The following ZNF385B variants were observed in gnomAD, a reference collection of about 807,000 sequenced individuals.
ZNF385B encodes zinc finger protein 385B, also known as zinc finger protein 533.
Under a neutral mutation model 39.2 loss-of-function variants are expected in ZNF385B, and 23 were observed. That is an observed-to-expected ratio of 0.59 (90% confidence interval 0.42 to 0.83). ZNF385B has a LOEUF of 0.83. Ranked by LOEUF, ZNF385B falls within the 40% of genes least tolerant of loss-of-function variation. ZNF385B has a pLI of 0.00. For missense variants in ZNF385B, 552 were observed against 598.9 expected (o/e 0.92, Z 0.82); for synonymous variants, 205 against 222.6 (o/e 0.92, Z 0.70).
intron 3 of ZNF385B, among the ~76,000 whole-genome samples, chr2:179,702,275 A>G (rs868415928): frequency 8.5e-5 from 13 of 152,334 alleles, no homozygotes; most frequent in African/African-American, 3.1e-4. Context: ...AAAATCTATT[A>G]ATATTACTCT....
At chr2:179,630,262 A>T (rs1691073518) in intron 3 of ZNF385B, among the ~76,000 whole-genome samples, 1 of 152,232 alleles carries the variant, frequency 6.6e-6, no homozygotes, top group South Asian at 2.1e-4. Flanking sequence ...ACCTCCCAGT[A>T]GGGGCTGACA....
At chr2:179,859,505 A>T (rs1051202967) in intron 1 of ZNF385B, among the ~76,000 whole-genome samples, 2 of 152,214 alleles carry the variant, frequency 1.3e-5, no homozygotes, top group African/African-American at 4.8e-5. Flanking sequence ...TCCAACATGG[A>T]CAGTAATTTT....
At chr2:179,497,261 A>G (rs1331535584) in intron 5 of ZNF385B, among the ~76,000 whole-genome samples, 1 of 152,196 alleles carries the variant, frequency 6.6e-6, no homozygotes, top group Non-Finnish European at 1.5e-5. Flanking sequence ...GAATAAGATA[A>G]CACTGTAACT....
chr2:179,613,478 T>C (rs115576330), intron 3 of ZNF385B, among the ~76,000 whole-genome samples: 2 of 152,214 alleles, frequency 1.3e-5, no homozygotes, highest in South Asian at 4.2e-4. Flanking sequence ...AGGTGATGCA[T>C]CCTGACAGGT....
chr2:179,589,259 A>G (rs1343327893), intron 3 of ZNF385B, among the ~76,000 whole-genome samples: 3 of 152,216 alleles, frequency 2.0e-5, no homozygotes, highest in Non-Finnish European at 4.4e-5. Flanking sequence ...GCTCAATGGC[A>G]TACATGAAAT....
intron 4 of ZNF385B, among the ~76,000 whole-genome samples, chr2:179,538,539 TG>T (rs2059726950): frequency 6.6e-6 from 1 of 152,146 alleles, no homozygotes; most frequent in Non-Finnish European, 1.5e-5. Flanking sequence ...TCATCAATAT[TG>T]CCAAACCACA....
intron 3 of ZNF385B, among the ~76,000 whole-genome samples, chr2:179,720,662 C>T (rs1224490702): frequency 6.6e-6 from 1 of 151,944 alleles, no homozygotes; most frequent in Non-Finnish European, 1.5e-5. Context: ...TATTTGGATT[C>T]AATTCAAAAT....
At chr2:179,650,676 C>T (rs1415551039) in intron 3 of ZNF385B, among the ~76,000 whole-genome samples, 1 of 152,162 alleles carries the variant, frequency 6.6e-6, no homozygotes, top group Non-Finnish European at 1.5e-5. Context: ...CACATCTATT[C>T]CATACAGGAT....
intron 3 of ZNF385B, chr2:179,576,092 A>G (rs2106014187): frequency 1.0e-6 from 1 of 975,816 alleles, no homozygotes; most frequent in African/African-American, 1.7e-5. Context: ...TTCTTCCCAC[A>G]GGCACACAGT....
At chr2:179,661,350 T>C (rs1027675496) in intron 3 of ZNF385B, among the ~76,000 whole-genome samples, 1 of 152,334 alleles carries the variant, frequency 6.6e-6, no homozygotes, top group Non-Finnish European at 1.5e-5. Context: ...CAAATATATG[T>C]ATATTCCCTG....
At chr2:179,836,980 G>A (rs1040046523) in intron 1 of ZNF385B, among the ~76,000 whole-genome samples, 3 of 152,110 alleles carry the variant, frequency 2.0e-5, no homozygotes, top group Non-Finnish European at 4.4e-5. Context: ...ATCAGAGGTG[G>A]GAAACTATTC....
In ZNF385B at chr2:179,725,908, G is replaced by GTATATATATATATATA. The variant is rs200614511; in HGVS notation, c.298+43594_298+43595insTATATATATATATATA. Among the ~76,000 whole-genome samples the GTATATATATATATATA allele has an allele frequency of 8.1e-5, 9 of 111,080 alleles. No homozygotes were observed. The South Asian group carries it at 2.3e-3, about 28-fold the overall frequency. 72.9% of individuals were successfully genotyped at this position (111,080 alleles called of 152,430 possible). ...TATATATGAATATATGTGTTTGTGT[G>GTATATATATATATATA]TGTATATATATATATATATATATAT... On this transcript the variant is annotated intron_variant, in intron 3 of 9. Transcript: ENST00000410066.
At chr2:179,526,760 C>A (rs550210705) in intron 4 of ZNF385B, among the ~76,000 whole-genome samples, 198 of 152,326 alleles carry the variant, frequency 1.3e-3, no homozygotes, top group African/African-American at 4.4e-3. Flanking sequence ...AAGGGTCCAC[C>A]TGAATGCTAT....
rs1317562191 is a variant in ZNF385B at position 179,480,570 on chromosome 2, C to A, written c.715+2702G>T. Among the ~76,000 whole-genome samples, 3 of 152,158 alleles carry A rather than the reference C, an allele frequency of 2.0e-5. No individual in the cohort carries two copies. In the East Asian group the frequency reaches 5.8e-4, roughly 29 times the overall value. ...ATTACGTTGTTTGGACCAGATTTCC[C>A]ATCTGGGCAAAGCTTTTAATTTTCC... On this transcript the variant is annotated intron_variant, in intron 6 of 9. Coordinates refer to ENST00000410066, the MANE Select transcript of ZNF385B (RefSeq NM_152520.6).
chr2:179,802,245 C>T (rs1235943913), intron 1 of ZNF385B, among the ~76,000 whole-genome samples: 4 of 152,122 alleles, frequency 2.6e-5, no homozygotes, highest in Non-Finnish European at 4.4e-5. Context: ...TCTTCACACT[C>T]TTCCTTATGC....
chr2:179,685,567 A>G (rs1367278321), intron 3 of ZNF385B, among the ~76,000 whole-genome samples: 5 of 152,230 alleles, frequency 3.3e-5, no homozygotes, highest in African/African-American at 4.8e-5. Flanking sequence ...GTCAATACCC[A>G]TTCATGGACT....
intron 4 of ZNF385B, among the ~76,000 whole-genome samples, chr2:179,521,952 A>G (rs1318671272): frequency 6.6e-6 from 1 of 152,078 alleles, no homozygotes; most frequent in African/African-American, 2.4e-5. Context: ...TTTTTCTTCT[A>G]GTCTAAATCT....
chr2:179,509,244 T>C (rs2057482197), intron 5 of ZNF385B, among the ~76,000 whole-genome samples: 1 of 152,222 alleles, frequency 6.6e-6, no homozygotes, highest in Non-Finnish European at 1.5e-5. Flanking sequence ...TTTTTTTCAT[T>C]GATAAGTTTA....
intron 3 of ZNF385B, among the ~76,000 whole-genome samples, chr2:179,689,160 T>C (rs568077146): frequency 4.5e-4 from 68 of 152,344 alleles, no homozygotes; most frequent in African/African-American, 1.6e-3. Flanking sequence ...GTCTACTTAA[T>C]TTCCTAGGAG....
Sources: gnomAD v4.1 joint callset for allele counts (sites outside exome capture counted in the v4.1 genomes callset) on GRCh38, gnomAD v4.1.1 for gene constraint, MANE v1.5 for transcripts, NCBI Gene and HGNC (gene_info 2026-07-23, HGNC 2026-07-21) for gene names.